The following NBEAL1 variants were observed in gnomAD, a reference collection of about 807,000 sequenced individuals.
NBEAL1 encodes neurobeachin-like protein 1.
A neutral mutation model predicts 351.3 loss-of-function variants in NBEAL1; 273 were observed. The ratio of observed to expected loss-of-function variants is 0.78; its 90% CI spans 0.70 to 0.86. NBEAL1 has a LOEUF of 0.86. Ranked by LOEUF, NBEAL1 falls within the 40% of genes least tolerant of loss-of-function variation. The pLI is 0.00. For synonymous variants in NBEAL1, 1,050 were observed against 1,086.4 expected, an observed-to-expected ratio of 0.97 and a Z score of 0.66; for missense variants, 2,961 against 3,201.3, an observed-to-expected ratio of 0.92 and a Z score of 1.81.
At chr2:203,103,305 T>C (rs1253822898) in intron 12 of NBEAL1, among the ~76,000 whole-genome samples, 1 of 151,976 alleles carries the variant, frequency 6.6e-6, no homozygotes, top group Non-Finnish European at 1.5e-5. Flanking sequence ...ACAGAGTCTC[T>C]GTCTGCCACC....
intron 39 of NBEAL1, among the ~76,000 whole-genome samples, chr2:203,171,293 A>G (rs1475579018): frequency 1.4e-5 from 1 of 72,954 alleles, no homozygotes; most frequent in African/African-American, 5.3e-5. Flanking sequence ...ATGAAATAAT[A>G]AAATAAAATG....
At chr2:203,173,228 A>G (rs2064379392) in intron 41 of NBEAL1, among the ~76,000 whole-genome samples, 1 of 152,190 alleles carries the variant, frequency 6.6e-6, no homozygotes, top group South Asian at 2.1e-4. Context: ...GGGTAGATAT[A>G]CAACTTATAC....
chr2:203,041,702 T>A (rs1487488789), intron 2 of NBEAL1, 63 bp from the exon 3 acceptor site: 2 of 1,072,632 alleles, frequency 1.9e-6, no homozygotes, highest in Admixed American at 4.4e-5. Flanking sequence ...GCTTAATAGG[T>A]GTAGAAGCAT....
intron 51 of NBEAL1, among the ~76,000 whole-genome samples, chr2:203,207,417 A>G (rs1302614632): frequency 6.6e-6 from 1 of 152,210 alleles, no homozygotes; most frequent in Non-Finnish European, 1.5e-5. Context: ...GGTGTGCCCA[A>G]CAGCTCATTG....
chr2:203,114,248 A>G (rs574329829), intron 17 of NBEAL1, among the ~76,000 whole-genome samples: 1 of 152,322 alleles, frequency 6.6e-6, no homozygotes, highest in South Asian at 2.1e-4. Context: ...TATGGCTTTA[A>G]ATAGGAAGTT....
chr2:203,145,239 C>A, intron 33 of NBEAL1, 79 bp downstream of exon 33: 1 of 1,217,080 alleles, frequency 8.2e-7, no homozygotes, highest in South Asian at 2.0e-5. Context: ...AATACAGGCC[C>A]CAAACTTTAA....
chr2:203,197,243 G>A lies in NBEAL1; in HGVS notation c.7039-59G>A, dbSNP rs1268914416. ...TCCTTATTTAAAGAGACGGTTTTCA[G>A]TAATTTGTACCTAATAAAGATGAGC... On this transcript the variant is annotated intron_variant, in intron 47 of 55. Transcript: ENST00000683969. The A allele has an allele frequency of 6.3e-6, 6 of 948,570 alleles. No homozygotes were observed. The East Asian group carries it at 1.5e-4, about 23-fold the overall frequency. 58.8% of individuals were successfully genotyped at this position (948,570 alleles called of 1,614,324 possible). A position where few individuals can be genotyped will look rare whatever the true frequency, so the allele number is the denominator to read the frequency against.
intron 8 of NBEAL1, among the ~76,000 whole-genome samples, chr2:203,078,407 A>G (rs1250795673): frequency 1.3e-5 from 2 of 152,058 alleles, no homozygotes; most frequent in African/African-American, 2.4e-5. Flanking sequence ...AAGTGCGACT[A>G]TTGGCTCACT....
intron 2 of NBEAL1, among the ~76,000 whole-genome samples, chr2:203,039,240 C>T (rs2061091731): frequency 3.4e-5 from 2 of 58,552 alleles, no homozygotes; most frequent in Non-Finnish European, 7.2e-5. Context: ...CCTTCCCTTC[C>T]CTTCCCTTCC....
intron 47 of NBEAL1, among the ~76,000 whole-genome samples, chr2:203,195,397 G>A (rs564020938): frequency 5.3e-5 from 8 of 152,200 alleles, no homozygotes; most frequent in African/African-American, 1.9e-4. Flanking sequence ...TAGTTATTTA[G>A]TGTTGCAATA....
At chr2:203,080,824 C>A (rs539094748) in intron 8 of NBEAL1, among the ~76,000 whole-genome samples, 2 of 152,270 alleles carry the variant, frequency 1.3e-5, no homozygotes, top group Non-Finnish European at 2.9e-5. Flanking sequence ...ATCATTATTT[C>A]CCCATTTCTA....
chr2:203,040,560 C>T, intron 2 of NBEAL1: 4 of 666,790 alleles, frequency 6.0e-6, no homozygotes. Context: ...TGCGGGAACT[C>T]ACTTGGAAAC....
chr2:203,130,209 G>A, intron 24 of NBEAL1, 109 bp from the exon 25 acceptor site: 1 of 1,074,912 alleles, frequency 9.3e-7, no homozygotes, highest in Non-Finnish European at 1.3e-6. Context: ...GTGAAGTTAA[G>A]ATAAAACATT....
chr2:203,110,896 G>C (rs2062557806), intron 15 of NBEAL1, among the ~76,000 whole-genome samples: 1 of 150,124 alleles, frequency 6.7e-6, no homozygotes, highest in Admixed American at 6.7e-5. Flanking sequence ...CTCCCAAGTA[G>C]CTGGGACTAC....
At chr2:203,118,892 C>T (rs2062760033) in intron 18 of NBEAL1, among the ~76,000 whole-genome samples, 1 of 151,884 alleles carries the variant, frequency 6.6e-6, no homozygotes. Context: ...CTGGGCCTGA[C>T]TGGTCTTTTT....
At chr2:203,139,536 C>T (rs1403556365) in intron 31 of NBEAL1, among the ~76,000 whole-genome samples, 1 of 136,824 alleles carries the variant, frequency 7.3e-6, no homozygotes, top group Non-Finnish European at 1.5e-5. Flanking sequence ...AAAATTCTGA[C>T]AACAGGTTGC....
chr2:203,133,089 T>G lies in NBEAL1; in HGVS notation c.3756T>G (p.Ser1252=). 6.6e-7 allele frequency: 1 copy of G among 1,514,714 alleles called. No individual in the cohort carries two copies. The highest frequency in any genetic ancestry group is 8.9e-7 in the Non-Finnish European group (1 of 1,122,038). 93.8% of individuals were successfully genotyped at this position (1,514,714 alleles called of 1,614,324 possible). A position where few individuals can be genotyped will look rare whatever the true frequency, so the allele number is the denominator to read the frequency against. The change falls in exon 27 of 56, where the codon TCT becomes TCG. Residue 1252 remains serine, a synonymous_variant. Transcript: ENST00000683969. The part of the protein sequence containing the change: ...DPVINFKDLL[S]VVYISHRAHI... ...TTATTAATTTCAAAGATCTACTATC[T>G]GTGGTATATATATCTCACAGAGCAC...
At chr2:203,085,843 TC>T (rs1317076871) in intron 10 of NBEAL1, 4 of 152,132 alleles carry the variant, frequency 2.6e-5, no homozygotes, top group African/African-American at 9.7e-5. Context: ...TGGTAATAAT[TC>T]CCATACTTCC....
At chr2:203,085,814 G>T (rs2061952296) in intron 10 of NBEAL1, 1 of 152,046 alleles carries the variant, frequency 6.6e-6, no homozygotes, top group South Asian at 2.1e-4. Flanking sequence ...TTCCAAAATT[G>T]TTGCTCATAG....
Sources: allele counts gnomAD v4.1 joint callset (sites outside exome capture counted in the v4.1 genomes callset), GRCh38; gene constraint gnomAD v4.1.1; transcripts MANE v1.5; gene names NCBI Gene and HGNC (gene_info 2026-07-23, HGNC 2026-07-21).